The following HIVEP3 variants were observed in gnomAD, a reference collection of about 807,000 sequenced individuals.
HIVEP3 encodes HIVEP zinc finger 3.
In HIVEP3, 49 loss-of-function variants were observed where a neutral mutation model predicts 152.8. The observed-to-expected ratio is 0.32, with a 90% CI of 0.26 to 0.41. The LOEUF (loss-of-function observed/expected upper bound fraction) is 0.41. HIVEP3 is among the 10% of genes least tolerant of loss of function. HIVEP3 has a pLI of 1.00. For missense variants in HIVEP3, 2,790 were observed against 3,103.3 expected, an observed-to-expected ratio of 0.90 and a Z score of 2.40; for synonymous variants, 1,269 against 1,289.0, an observed-to-expected ratio of 0.98 and a Z score of 0.33.
chr1:41,838,477 AT>A lies in HIVEP3; in HGVS notation c.-801+79935del, dbSNP rs375985322. Among the ~76,000 whole-genome samples, 955 of 152,126 alleles carry A rather than the reference AT, an allele frequency of 6.3e-3. 9 individuals carry two copies. Among genetic ancestry groups the A allele is most frequent in the African/African-American group, 0.022 (929 of 41,470 alleles). On this transcript the variant is annotated intron_variant, in intron 1 of 8. Transcript: ENST00000372583. ...TGCTGTCAGGATGCTTGGCTGCCTC[AT>A]ATCCGCTTGTGGTCGGCCTCGGATC...
chr1:41,524,109 C>T (rs1642835139), intron 6 of HIVEP3, among the ~76,000 whole-genome samples: 1 of 152,152 alleles, frequency 6.6e-6, no homozygotes, highest in African/African-American at 2.4e-5. Flanking sequence ...TCACCAGTGA[C>T]TGCCAGAGCC....
At chr1:41,745,803 C>T (rs1281312568) in intron 1 of HIVEP3, among the ~76,000 whole-genome samples, 1 of 152,188 alleles carries the variant, frequency 6.6e-6, no homozygotes, top group Non-Finnish European at 1.5e-5. Flanking sequence ...TCTCCTCTTT[C>T]CACCGGAGGG....
intron 5 of HIVEP3, among the ~76,000 whole-genome samples, chr1:41,565,678 A>T (rs112639816): frequency 0.015 from 2,271 of 152,278 alleles, 58 homozygotes; most frequent in African/African-American, 0.05. Flanking sequence ...TCCCCAGGAC[A>T]GAAACAGAGG....
intron 1 of HIVEP3, among the ~76,000 whole-genome samples, chr1:41,729,648 A>G (rs1165764850): frequency 6.6e-6 from 1 of 152,182 alleles, no homozygotes; most frequent in Non-Finnish European, 1.5e-5. Flanking sequence ...AGAGAGGGAG[A>G]AGGGCCCTGA....
chr1:42,012,136 T>C (rs759293245), intron 1 of HIVEP3, among the ~76,000 whole-genome samples: 4 of 152,210 alleles, frequency 2.6e-5, no homozygotes, highest in Non-Finnish European at 1.5e-5. Flanking sequence ...ACTTAGGCCA[T>C]GTTTAGCTAG....
chr1:41,563,946 C>T (rs754548059), intron 5 of HIVEP3, among the ~76,000 whole-genome samples: 1 of 152,060 alleles, frequency 6.6e-6, no homozygotes, highest in Non-Finnish European at 1.5e-5. Context: ...TCAAAAACTC[C>T]ACCTTGGGAG....
chr1:41,643,283 G>A (rs768142533), intron 2 of HIVEP3, among the ~76,000 whole-genome samples: 5 of 152,136 alleles, frequency 3.3e-5, no homozygotes, highest in Admixed American at 3.3e-4. Flanking sequence ...CTTCTCTAAC[G>A]CTTCTAACCC....
Position 41,582,135 on chromosome 1 carries a change from T to C in HIVEP3, c.2663A>G (p.Gln888Arg). ...GAGCTGGGCAAGTGTCTGGCTGCGCTGGGGCCATTGGAACTCCTCAGTCTT... is the reference window on the plus strand; with the variant it reads ...GAGCTGGGCAAGTGTCTGGCTGCGCCGGGGCCATTGGAACTCCTCAGTCTT... ...PEKTEEFQWP[Q>R]RSQTLAQLPA... The change falls in exon 4 of 9, where the codon CAG (glutamine) becomes CGG (arginine). Residue 888 changes from glutamine to arginine, a missense_variant. Coordinates refer to ENST00000372583, the MANE Select transcript of HIVEP3 (RefSeq NM_024503.5). The surrounding 1 kb of genome is among the most constrained non-coding windows in gnomAD (Gnocchi z 4.7). 6.2e-7 allele frequency: 1 copy of C among 1,614,054 alleles called. No individual in the cohort carries two copies. The highest frequency in any genetic ancestry group is 2.2e-5 in the East Asian group (1 of 44,872).
Position 41,580,624 on chromosome 1 carries a change from G to A in HIVEP3, c.4174C>T (p.Pro1392Ser). ...GLSEEQSRAF[P>S]TPYLRVPVTL... ...ACAGGCACTCTCAGGTATGGAGTTG[G>A]GAAAGCTCTGCTTTGCTCTTCACTT... The change falls in exon 4 of 9, where the codon CCA becomes TCA. Residue 1392 changes from proline to serine, a missense_variant. Pro to Ser is a moderately conservative substitution (Grantham distance 74). This residue lies in a region of HIVEP3 where 1,078 missense variants were observed against 1,165.3 expected (regional missense o/e 0.93). Coordinates refer to ENST00000372583, the MANE Select transcript of HIVEP3 (RefSeq NM_024503.5). 6.2e-7 allele frequency: 1 copy of A among 1,614,142 alleles called. No homozygotes were observed. Among genetic ancestry groups the A allele is most frequent in the Non-Finnish European group, 8.5e-7 (1 of 1,180,038 alleles).
chr1:41,575,657 G>A lies in HIVEP3; in HGVS notation c.5094C>T (p.Gly1698=), dbSNP rs1333930375. ...VHLPSLVSPE[G]QKDLARVEKE... ...TCTCCACTCTAGCTAGATCTTTCTG[G>A]CCTTCCGGGGAAACCAGTGAAGGGA... The change falls in exon 5 of 9, where the codon GGC becomes GGT. Residue 1698 remains glycine (G), a synonymous_variant. Transcript: ENST00000372583. The A allele has an allele frequency of 6.2e-7, 1 of 1,614,090 alleles. No homozygotes were observed. Among genetic ancestry groups the A allele is most frequent in the African/African-American group, 1.3e-5 (1 of 75,022 alleles).
At chr1:41,804,562 A>G (rs1650489903) in intron 1 of HIVEP3, among the ~76,000 whole-genome samples, 1 of 152,262 alleles carries the variant, frequency 6.6e-6, no homozygotes, top group Admixed American at 6.5e-5. Flanking sequence ...CAAGACATGA[A>G]AAAGAGTTTT....
At chr1:41,523,768 G>A (rs1290515141) in intron 6 of HIVEP3, among the ~76,000 whole-genome samples, 1 of 152,164 alleles carries the variant, frequency 6.6e-6, no homozygotes, top group Non-Finnish European at 1.5e-5. Flanking sequence ...GAAACCGTGG[G>A]GCTCCCAGAA....
At chr1:41,524,461 C>G (rs1008079774) in intron 6 of HIVEP3, among the ~76,000 whole-genome samples, 1 of 152,114 alleles carries the variant, frequency 6.6e-6, no homozygotes, top group Non-Finnish European at 1.5e-5. Context: ...GCAAGAGTGC[C>G]GCACCAGGCT....
chr1:41,508,340 A>G lies in HIVEP3; in HGVS notation c.*2111T>C, dbSNP rs545122870. 6.6e-6 allele frequency: 1 copy of G among 152,380 alleles called. No homozygotes were observed. The highest frequency in any genetic ancestry group is 2.1e-4 in the South Asian group (1 of 4,820). The allele number at this position is 152,380 out of a possible 1,614,324, so 9.4% of individuals were successfully genotyped here. A position where few individuals can be genotyped will look rare whatever the true frequency, so the allele number is the denominator to read the frequency against. ...TTAGGGCTGAAAGGCAAGGATGAGAAAAGCCCTGGCCTCCTGGGACTTGGA... is the reference window on the plus strand; with the variant it reads ...TTAGGGCTGAAAGGCAAGGATGAGAGAAGCCCTGGCCTCCTGGGACTTGGA... On this transcript the variant is annotated 3_prime_UTR_variant, in exon 9 of 9. Transcript: ENST00000372583.
chr1:41,584,138 G>A lies in HIVEP3; in HGVS notation c.660C>T (p.Tyr220=). ...HIRSHTGERP[Y]PCGPCGFSFK... is the part of the protein sequence containing the mutation. ...AGGAGAAGCCACAGGGGCCGCAGGG[G>A]TAGGGCCTCTCACCTGTGTGTGAGC... The change falls in exon 4 of 9, where the codon TAC becomes TAT. Residue 220 remains tyrosine, a synonymous_variant. Transcript: ENST00000372583. The surrounding 1 kb of genome is among the most constrained non-coding windows in gnomAD (Gnocchi z 5.2). The A allele has an allele frequency of 6.2e-7, 1 of 1,614,188 alleles. No homozygotes were observed. Among genetic ancestry groups the A allele is most frequent in the African/African-American group, 1.3e-5 (1 of 75,068 alleles).
At chr1:41,605,488 C>G (rs1644810580) in intron 3 of HIVEP3, among the ~76,000 whole-genome samples, 2 of 151,784 alleles carry the variant, frequency 1.3e-5, no homozygotes, top group African/African-American at 2.4e-5. Context: ...TGTTATACCT[C>G]AATTTTTGAA....
chr1:41,926,663 C>G (rs1053727292), intron 1 of HIVEP3, among the ~76,000 whole-genome samples: 1 of 151,934 alleles, frequency 6.6e-6, no homozygotes, highest in Non-Finnish European at 1.5e-5. Flanking sequence ...GGAACTTCCC[C>G]CATCGTGAAG....
In HIVEP3 at chr1:41,764,597, A is replaced by G. The variant is rs180745773; in HGVS notation, c.-800-63602T>C. Among the ~76,000 whole-genome samples, 74 of 152,366 alleles carry G rather than the reference A, an allele frequency of 4.9e-4. 1 individual carries two copies. Among genetic ancestry groups the G allele is most frequent in the Non-Finnish European group, 5.3e-4 (36 of 68,026 alleles). On this transcript the variant is annotated intron_variant, in intron 1 of 8. Coordinates refer to ENST00000372583, the MANE Select transcript of HIVEP3 (RefSeq NM_024503.5). ...CTGGGTGGTTGGTTGATTTTACAAA[A>G]AAGATGAATTCGCCAAGGGCTAAAC...
At chr1:41,750,440 C>T (rs1647141463) in intron 1 of HIVEP3, among the ~76,000 whole-genome samples, 1 of 152,228 alleles carries the variant, frequency 6.6e-6, no homozygotes, top group African/African-American at 2.4e-5. Flanking sequence ...GCTTCCTAAG[C>T]TCCAGTGTGT....
Sources: gnomAD v4.1 joint callset for allele counts (sites outside exome capture counted in the v4.1 genomes callset) on GRCh38, gnomAD v4.1.1 for gene constraint, gnomAD v4.1.1 regional missense constraint, Gnocchi (gnomAD v3.1) non-coding constraint, MANE v1.5 for transcripts, NCBI Gene and HGNC (gene_info 2026-07-23, HGNC 2026-07-21) for gene names.